CNTNAP5: variants seen among roughly 807,000 people sequenced by gnomAD.
The protein encoded by CNTNAP5 is contactin associated protein family member 5.
A neutral mutation model predicts 150.2 loss-of-function variants in CNTNAP5; 72 were observed. That is an observed-to-expected ratio of 0.48 (90% CI 0.40 to 0.58). The LOEUF (loss-of-function observed/expected upper bound fraction) is 0.58. Among genes scored for constraint, CNTNAP5 ranks in the 20% least tolerant of loss-of-function variants. CNTNAP5 has a pLI of 0.00. For missense variants in CNTNAP5, 1,636 were observed against 1,626.2 expected (o/e 1.01, Z -0.10); for synonymous variants, 672 against 619.8 (o/e 1.08, Z -1.25).
chr2:124,524,333 C>T lies in CNTNAP5; in HGVS notation c.1358C>T (p.Ser453Leu), dbSNP rs17727261. The T allele has an allele frequency of 0.041, 65,836 of 1,613,644 alleles. 1,554 individuals carry two copies. Among genetic ancestry groups the T allele is most frequent in the Non-Finnish European group, 0.045 (53,182 of 1,179,710 alleles). Residue 453 changes from serine to leucine, a missense_variant, in exon 9 of 24, where the codon TCG becomes TTG. Ser to Leu is a moderately radical substitution (Grantham distance 145). Transcript: ENST00000682447. ...GSNLNDGLWH[S>L]VSINARRNRI... ...AACTTGAATGATGGCCTGTGGCACT[C>T]GGTTAGCATCAACGCCAGGAGGAAC... is the stretch of plus-strand genomic sequence containing the variant.
intron 1 of CNTNAP5, among the ~76,000 whole-genome samples, chr2:124,153,384 G>T (rs1291254513): frequency 6.6e-6 from 1 of 152,050 alleles, no homozygotes; most frequent in Non-Finnish European, 1.5e-5. Context: ...GAATACAGTA[G>T]GTCAATGTCT....
chr2:124,051,879 G>A (rs1482170443), intron 1 of CNTNAP5, among the ~76,000 whole-genome samples: 1 of 152,082 alleles, frequency 6.6e-6, no homozygotes, highest in Non-Finnish European at 1.5e-5. Context: ...AGTAGAACAA[G>A]GTGTCTCAAA....
At chr2:124,447,037 TGAG>T (rs1222527169) in intron 6 of CNTNAP5, 100 bp downstream of exon 6, 686 of 1,147,292 alleles carry the variant, frequency 6.0e-4, no homozygotes, top group Non-Finnish European at 7.0e-4. Flanking sequence ...GGTGGGGCAC[TGAG>T]GAGTCTTACC....
chr2:124,860,493 TTCCTTCCTTCTTTCCTTCCTTCC>T (rs1677499386), intron 19 of CNTNAP5, among the ~76,000 whole-genome samples: 8 of 108,504 alleles, frequency 7.4e-5, no homozygotes, highest in African/African-American at 3.2e-4. Flanking sequence ...CCTTCCTTCC[TTCCTTCCTTCTTTCCTTCCTTCC>T]TTCCTTCCTT....
chr2:124,676,761 C>T (rs899228785), intron 13 of CNTNAP5, among the ~76,000 whole-genome samples: 1 of 152,182 alleles, frequency 6.6e-6, no homozygotes, highest in Non-Finnish European at 1.5e-5. Flanking sequence ...AGTTAAAGCA[C>T]CATAATAAGC....
intron 12 of CNTNAP5, among the ~76,000 whole-genome samples, chr2:124,638,581 A>G (rs1200644689): frequency 6.6e-6 from 1 of 152,174 alleles, no homozygotes; most frequent in African/African-American, 2.4e-5. Context: ...TTAACAGTGT[A>G]AAGCATTTTC....
intron 3 of CNTNAP5, among the ~76,000 whole-genome samples, chr2:124,244,752 C>A (rs1686975834): frequency 6.6e-6 from 1 of 152,118 alleles, no homozygotes; most frequent in African/African-American, 2.4e-5. Flanking sequence ...AAATAGGTGT[C>A]CCCTTAATTA....
chr2:124,192,827 T>C (rs1270990291), intron 1 of CNTNAP5, among the ~76,000 whole-genome samples: 3 of 152,182 alleles, frequency 2.0e-5, no homozygotes, highest in East Asian at 1.9e-4. Flanking sequence ...TCTTGCTGTA[T>C]TTTTTTCTTT....
At chr2:124,886,367 T>C (rs1678080174) in intron 21 of CNTNAP5, among the ~76,000 whole-genome samples, 1 of 152,092 alleles carries the variant, frequency 6.6e-6, no homozygotes, top group Non-Finnish European at 1.5e-5. Flanking sequence ...ACTGTGACAG[T>C]GAGCAGCTGC....
At chr2:124,088,242 T>C (rs1682739404) in intron 1 of CNTNAP5, among the ~76,000 whole-genome samples, 1 of 152,152 alleles carries the variant, frequency 6.6e-6, no homozygotes, top group Non-Finnish European at 1.5e-5. Flanking sequence ...CCTCTGAGGA[T>C]TTTATTACAT....
intron 1 of CNTNAP5, among the ~76,000 whole-genome samples, chr2:124,118,782 C>T (rs1365157703): frequency 1.3e-5 from 2 of 152,100 alleles, no homozygotes; most frequent in Non-Finnish European, 2.9e-5. Context: ...ATTTAGTCTT[C>T]GTAATAACCC....
chr2:124,437,433 A>T (rs1380618054), intron 5 of CNTNAP5, among the ~76,000 whole-genome samples: 2 of 152,210 alleles, frequency 1.3e-5, no homozygotes, highest in Non-Finnish European at 2.9e-5. Context: ...AGGATAAATT[A>T]CTTGTCCCAT....
At chr2:124,221,946 T>C in intron 2 of CNTNAP5, 137 bp downstream of exon 2, 1 of 628,834 alleles carries the variant, frequency 1.6e-6, no homozygotes, top group South Asian at 1.9e-5. Flanking sequence ...AGGAGAGGAG[T>C]GAAAATCTAA....
chr2:124,285,842 AAAGAG>A (rs779179114), intron 3 of CNTNAP5, among the ~76,000 whole-genome samples: 73 of 152,006 alleles, frequency 4.8e-4, no homozygotes, highest in Admixed American at 1.6e-3. Context: ...AAGAAGAAGA[AAAGAG>A]AAGAGAGAAA....
intron 5 of CNTNAP5, among the ~76,000 whole-genome samples, chr2:124,444,739 G>A (rs2003039): frequency 0.18 from 26,999 of 152,160 alleles, 2,882 homozygotes; most frequent in Non-Finnish European, 0.24. Flanking sequence ...GATCCAGGCC[G>A]ACGAGCTCCT....
intron 22 of CNTNAP5, among the ~76,000 whole-genome samples, chr2:124,909,858 T>TATATATATATATAA (rs56823375): frequency 2.5e-4 from 36 of 143,494 alleles, no homozygotes; most frequent in Non-Finnish European, 5.0e-4. Flanking sequence ...TATATATATA[T>TATATATATATATAA]GTTCTTCTCC....
chr2:124,638,666 C>T (rs1404839480), intron 12 of CNTNAP5, among the ~76,000 whole-genome samples: 1 of 152,118 alleles, frequency 6.6e-6, no homozygotes, highest in Non-Finnish European at 1.5e-5. Flanking sequence ...ATTCCTATTG[C>T]CTTCATCTTG....
chr2:124,667,864 G>A (rs1285689637), intron 13 of CNTNAP5, among the ~76,000 whole-genome samples: 1 of 152,176 alleles, frequency 6.6e-6, no homozygotes, highest in Admixed American at 6.5e-5. Flanking sequence ...CTCCCGTAAG[G>A]GAAGCTAAGA....
At chr2:124,823,451 C>T (rs560190207) in intron 19 of CNTNAP5, among the ~76,000 whole-genome samples, 29 of 152,202 alleles carry the variant, frequency 1.9e-4, no homozygotes, top group Non-Finnish European at 3.1e-4. Flanking sequence ...CAGCTCCATG[C>T]CCTACTGGTT....
Sources: allele counts gnomAD v4.1 joint callset (sites outside exome capture counted in the v4.1 genomes callset), GRCh38; gene constraint gnomAD v4.1.1; transcripts MANE v1.5; gene names NCBI Gene and HGNC (gene_info 2026-07-23, HGNC 2026-07-21).